The following CNTN5 variants were observed in gnomAD, a reference collection of about 807,000 sequenced individuals.
CNTN5 encodes the protein contactin 5.
CNTN5 carries 77 observed loss-of-function variants against 129.1 expected under a neutral mutation model. That is an observed-to-expected ratio of 0.60 (90% CI 0.50 to 0.72). The LOEUF (loss-of-function observed/expected upper bound fraction) is 0.72, where lower values mean the gene tolerates loss of function less well. Among genes scored for constraint, CNTN5 ranks in the 30% least tolerant of loss-of-function variants. CNTN5 has a pLI of 0.00. For missense variants in CNTN5, 1,478 were observed against 1,328.8 expected (o/e 1.11, Z -1.75); for synonymous variants, 509 against 465.6 (o/e 1.09, Z -1.20).
At chr11:99,336,059 T>A (rs1218969555) in intron 2 of CNTN5, among the ~76,000 whole-genome samples, 1 of 152,204 alleles carries the variant, frequency 6.6e-6, no homozygotes, top group Non-Finnish European at 1.5e-5. Flanking sequence ...CTTTTTGTTT[T>A]TAGATTGCTG....
intron 8 of CNTN5, among the ~76,000 whole-genome samples, chr11:99,967,004 A>G (rs763771429): frequency 1.5e-4 from 23 of 152,126 alleles, no homozygotes; most frequent in Admixed American, 7.9e-4. Context: ...CCTAATAGAA[A>G]CATCCAACCC....
At chr11:99,947,615 G>A (rs545328372) in intron 7 of CNTN5, among the ~76,000 whole-genome samples, 79 of 152,174 alleles carry the variant, frequency 5.2e-4, no homozygotes, top group African/African-American at 1.9e-3. Context: ...AATTTATCTT[G>A]CCTGAAGATT....
chr11:100,032,760 T>C lies in CNTN5; in HGVS notation c.981-28452T>C, dbSNP rs549866934. ...AAGTAACTTTGCCAAAAAGGAATTT[T>C]GTAATGTTATTCCTACATAGTCTTT... On this transcript the variant is annotated intron_variant, in intron 9 of 24. Coordinates refer to ENST00000524871, the MANE Select transcript of CNTN5 (RefSeq NM_014361.4). 2.6e-5 allele frequency among the ~76,000 whole-genome samples: 4 copies of C among 151,964 alleles called. No homozygotes were observed. In the East Asian group the frequency reaches 7.8e-4, roughly 30 times the overall value.
intron 7 of CNTN5, among the ~76,000 whole-genome samples, chr11:99,942,647 G>A (rs975749829): frequency 9.2e-5 from 14 of 151,964 alleles, no homozygotes; most frequent in Non-Finnish European, 1.8e-4. Context: ...ACATGCATTA[G>A]ATATTTGTCC....
chr11:99,837,338 T>G (rs1400471682), intron 4 of CNTN5, among the ~76,000 whole-genome samples: 1 of 152,200 alleles, frequency 6.6e-6, no homozygotes. Context: ...CACATTAACA[T>G]GTTTCTTTTG....
chr11:99,811,469 A>G (rs1946426392), intron 3 of CNTN5, among the ~76,000 whole-genome samples: 1 of 148,238 alleles, frequency 6.7e-6, no homozygotes, highest in Non-Finnish European at 1.5e-5. Context: ...TATAATATTT[A>G]TATTTTAATA....
At chr11:99,837,737 T>G (rs998129378) in intron 4 of CNTN5, among the ~76,000 whole-genome samples, 1 of 150,310 alleles carries the variant, frequency 6.7e-6, no homozygotes, top group African/African-American at 2.4e-5. Flanking sequence ...AATGATGACA[T>G]TAAAATTACA....
intron 2 of CNTN5, among the ~76,000 whole-genome samples, chr11:99,477,463 C>T (rs1340816097): frequency 6.6e-6 from 1 of 151,674 alleles, no homozygotes; most frequent in Non-Finnish European, 1.5e-5. Context: ...TTTCTTCTGG[C>T]TTTCACCATA....
chr11:99,968,065 G>A (rs768249957), intron 8 of CNTN5, among the ~76,000 whole-genome samples: 19 of 152,160 alleles, frequency 1.2e-4, no homozygotes, highest in East Asian at 7.7e-4. Context: ...ACACATCTTC[G>A]CAAAATTCAC....
chr11:99,511,232 G>T lies in CNTN5; in HGVS notation c.-70-44913G>T, dbSNP rs904145670. ...GCTTTGAATGTGTCCCAGAGATTCT[G>T]GTATGTGGTGTCTTTGTTCTCGTTG... On this transcript the variant is annotated intron_variant, in intron 2 of 24. Coordinates refer to ENST00000524871, the MANE Select transcript of CNTN5 (RefSeq NM_014361.4). 2.6e-5 allele frequency among the ~76,000 whole-genome samples: 4 copies of T among 152,044 alleles called. No individual in the cohort carries two copies. In the South Asian group the frequency reaches 8.3e-4, roughly 32 times the overall value.
At chr11:99,101,953 C>A (rs1258994342) in intron 1 of CNTN5, among the ~76,000 whole-genome samples, 1 of 152,200 alleles carries the variant, frequency 6.6e-6, no homozygotes, top group African/African-American at 2.4e-5. Flanking sequence ...CCATGAGGGC[C>A]TCACCCCTGC....
In CNTN5 at chr11:100,341,223, C is replaced by T. The variant is rs201171647; in HGVS notation, c.3030+18C>T. 1 of 1,529,230 alleles carries T rather than the reference C, an allele frequency of 6.5e-7. No individual in the cohort carries two copies. Among genetic ancestry groups the T allele is most frequent in the Non-Finnish European group, 9.1e-7 (1 of 1,102,910 alleles). The allele number at this position is 1,529,230 out of a possible 1,614,324, so 94.7% of individuals were successfully genotyped here. A position where few individuals can be genotyped will look rare whatever the true frequency, so the allele number is the denominator to read the frequency against. On this transcript the variant is annotated intron_variant, in intron 23 of 24. Coordinates refer to ENST00000524871, the MANE Select transcript of CNTN5 (RefSeq NM_014361.4). ...GTTACAAGGTCAGTATTTCTTCACT[C>T]TTTTGCATAGATACTCATCTCCGAA...
chr11:99,896,336 C>T (rs1949205908), intron 6 of CNTN5, among the ~76,000 whole-genome samples: 1 of 152,174 alleles, frequency 6.6e-6, no homozygotes, highest in Non-Finnish European at 1.5e-5. Flanking sequence ...TACATACCTT[C>T]CAGAAGTAGC....
At chr11:99,171,897 C>G (rs1300029466) in intron 1 of CNTN5, among the ~76,000 whole-genome samples, 1 of 152,188 alleles carries the variant, frequency 6.6e-6, no homozygotes, top group South Asian at 2.1e-4. Context: ...GAATAATACG[C>G]GAATTTCATT....
chr11:100,042,034 A>G (rs1363097530), intron 9 of CNTN5, among the ~76,000 whole-genome samples: 2 of 152,172 alleles, frequency 1.3e-5, no homozygotes, highest in South Asian at 2.1e-4. Context: ...TCATTTGGAG[A>G]CTGCGACAAT....
At chr11:100,335,637 AGGCACCT>A (rs1452182914) in intron 21 of CNTN5, among the ~76,000 whole-genome samples, 2 of 152,032 alleles carry the variant, frequency 1.3e-5, no homozygotes, top group African/African-American at 4.8e-5. Context: ...GCGTGGTGGT[AGGCACCT>A]GTAATCCCAG....
chr11:99,176,216 CT>C (rs915724262), intron 1 of CNTN5, among the ~76,000 whole-genome samples: 5 of 151,508 alleles, frequency 3.3e-5, no homozygotes, highest in East Asian at 1.9e-4. Context: ...ATGAGCCATT[CT>C]TTTTTTTTCT....
intron 21 of CNTN5, among the ~76,000 whole-genome samples, chr11:100,332,309 C>T (rs187769850): frequency 1.1e-4 from 16 of 148,346 alleles, no homozygotes; most frequent in African/African-American, 3.6e-4. Flanking sequence ...CTGAACAGAC[C>T]AATAATGAGC....
intron 1 of CNTN5, among the ~76,000 whole-genome samples, chr11:99,205,456 C>A (rs1053138731): frequency 6.6e-6 from 1 of 152,030 alleles, no homozygotes; most frequent in Non-Finnish European, 1.5e-5. Flanking sequence ...GGAAGTAATT[C>A]GTTTCTTCCT....
Sources: gnomAD v4.1 joint callset for allele counts (sites outside exome capture counted in the v4.1 genomes callset) on GRCh38, gnomAD v4.1.1 for gene constraint, MANE v1.5 for transcripts, NCBI Gene and HGNC (gene_info 2026-07-23, HGNC 2026-07-21) for gene names.